The following RBCK1 variants were observed in gnomAD, a reference collection of about 807,000 sequenced individuals.
RBCK1 encodes RANBP2-type and C3HC4-type zinc finger containing 1.
Under a neutral mutation model 71.1 loss-of-function variants are expected in RBCK1, and 44 were observed. That is an observed-to-expected ratio of 0.62 (90% confidence interval 0.49 to 0.80). The LOEUF is 0.80. RBCK1 is among the 30% of genes least tolerant of loss of function. RBCK1 has a pLI of 0.00. For missense variants in RBCK1, 569 were observed against 685.0 expected, an observed-to-expected ratio of 0.83 and a Z score of 1.89; for synonymous variants, 306 against 279.7, an observed-to-expected ratio of 1.09 and a Z score of -0.94.
intron 8 of RBCK1, among the ~76,000 whole-genome samples, chr20:425,007 ATT>A (rs111583781): frequency 6.8e-6 from 1 of 146,224 alleles, no homozygotes. Flanking sequence ...CTCTGGGCAA[ATT>A]TTTTTTTTTT....
Position 430,235 on chromosome 20 carries a change from G to C in RBCK1, c.1453-115G>C, listed in dbSNP as rs1434604097. ...TCCATCAGGTAGCTGAGGCTGACCA[G>C]GCCATTCTTGCAGGAGGACCTGCAG... On this transcript the variant is annotated intron_variant, in intron 11 of 11. Coordinates refer to ENST00000356286, the MANE Select transcript of RBCK1 (RefSeq NM_031229.4). The surrounding 1 kb of genome is among the most constrained non-coding windows in gnomAD (Gnocchi z 5.6). 6.7e-6 allele frequency: 6 copies of C among 895,114 alleles called. No homozygotes were observed. Among genetic ancestry groups the C allele is most frequent in the Admixed American group, 2.0e-5 (1 of 48,854 alleles). 55.4% of individuals were successfully genotyped at this position (895,114 alleles called of 1,614,324 possible).
intron 8 of RBCK1, among the ~76,000 whole-genome samples, chr20:426,516 T>C (rs2016722519): frequency 2.0e-5 from 3 of 152,238 alleles, no homozygotes; most frequent in Admixed American, 2.0e-4. Flanking sequence ...TCCATGTTGC[T>C]GTAAATGGCA....
Position 414,955 on chromosome 20 carries a change from A to G in RBCK1, c.168-2571A>G, listed in dbSNP as rs564711971. ...AAAATTTCTATATTTTGCTCTGTCA[A>G]TTCATTGATAGTTGACTGGGTATTC... On this transcript the variant is annotated intron_variant, in intron 2 of 11. Transcript: ENST00000356286. 5.3e-5 allele frequency among the ~76,000 whole-genome samples: 8 copies of G among 152,294 alleles called. No individual in the cohort carries two copies. The South Asian group carries it at 1.2e-3, about 24-fold the overall frequency.
rs759428679 is a variant in RBCK1, at chr20:431,420, A to G, written c.*990A>G. Among the ~76,000 whole-genome samples, 2 of 151,746 alleles carry G rather than the reference A, an allele frequency of 1.3e-5. No individual in the cohort carries two copies. The highest frequency in any genetic ancestry group is 2.9e-5 in the Non-Finnish European group (2 of 67,932). On this transcript the variant is annotated 3_prime_UTR_variant, in exon 12 of 12. Transcript: ENST00000356286. The surrounding 1 kb of genome is among the most constrained non-coding windows in gnomAD (Gnocchi z 4.8). Reference sequence around the variant, plus strand: ...GATTCAGCAGTATTTACTAGAACCCACTCTGTGCTGGTCGGAGGTTACTAA... The same window carrying G: ...GATTCAGCAGTATTTACTAGAACCCGCTCTGTGCTGGTCGGAGGTTACTAA...
rs1008968180 is a variant in RBCK1 at position 417,968 on chromosome 20, G to C, written c.460+38G>C. The C allele has an allele frequency of 1.3e-6, 2 of 1,575,794 alleles. No homozygotes were observed. The highest frequency in any genetic ancestry group is 1.7e-6 in the Non-Finnish European group (2 of 1,165,338). On this transcript the variant is annotated intron_variant, in intron 4 of 11. Transcript: ENST00000356286. The surrounding 1 kb of genome is among the most constrained non-coding windows in gnomAD (Gnocchi z 4.7). ...CCTGAGCACCGCCGGACCCAGCGGG[G>C]GCCCTGGACTCACTTGAGGGCATAG...
chr20:430,622 T>C lies in RBCK1; in HGVS notation c.*192T>C. Reference sequence around the variant, plus strand: ...TTGGGGCTTGCCGGCCAGACTTCTCTCCCCTGCGGCTCCCACCTCTGCCTG... The same window carrying C: ...TTGGGGCTTGCCGGCCAGACTTCTCCCCCCTGCGGCTCCCACCTCTGCCTG... On this transcript the variant is annotated 3_prime_UTR_variant, in exon 12 of 12. Coordinates refer to ENST00000356286, the MANE Select transcript of RBCK1 (RefSeq NM_031229.4). This position sits in a 1 kb window ranked among gnomAD's most constrained non-coding sequence, Gnocchi z 5.6. 2 of 620,782 alleles carry C rather than the reference T, an allele frequency of 3.2e-6. No individual in the cohort carries two copies. Among genetic ancestry groups the C allele is most frequent in the African/African-American group, 1.8e-5 (1 of 54,558 alleles). 38.5% of individuals were successfully genotyped at this position (620,782 alleles called of 1,614,324 possible).
rs1160150735 is a variant in RBCK1 at position 431,696 on chromosome 20, C to CTG, written c.*1269_*1270dup. 6.6e-6 allele frequency among the ~76,000 whole-genome samples: 1 copy of CTG among 152,248 alleles called. No homozygotes were observed. The highest frequency in any genetic ancestry group is 2.4e-5 in the African/African-American group (1 of 41,466). ...AGGACTCAAGAGCTGGCCCCAGTCA[C>CTG]TGTGCGCAGAGCTGTCTGAGAATGT... On this transcript the variant is annotated 3_prime_UTR_variant, in exon 12 of 12. Transcript: ENST00000356286. The surrounding 1 kb of genome is among the most constrained non-coding windows in gnomAD (Gnocchi z 4.8).
intron 8 of RBCK1, among the ~76,000 whole-genome samples, chr20:425,967 G>T (rs2016691989): frequency 6.6e-6 from 1 of 152,196 alleles, no homozygotes; most frequent in African/African-American, 2.4e-5. Context: ...AGTTAAAGAA[G>T]TGGGATGGGT....
At chr20:426,391 C>T (rs1460408284) in intron 8 of RBCK1, among the ~76,000 whole-genome samples, 1 of 152,196 alleles carries the variant, frequency 6.6e-6, no homozygotes, top group African/African-American at 2.4e-5. Flanking sequence ...CTTTTACTGT[C>T]TGTCCTCATT....
intron 8 of RBCK1, among the ~76,000 whole-genome samples, chr20:426,816 CTTTTTTTTTTTTTTTTT>C (rs768525416): frequency 2.1e-5 from 2 of 95,508 alleles, no homozygotes; most frequent in African/African-American, 5.3e-5. Context: ...TTTTCTTTTC[CTTTTTTTTTTTTTTTTT>C]TTTTTTTTTT....
chr20:410,070 G>A (rs749237300), intron 2 of RBCK1, 45 bp downstream of exon 2: 1 of 1,585,794 alleles, frequency 6.3e-7, no homozygotes, highest in Non-Finnish European at 8.6e-7. Context: ...CAGCAGGACA[G>A]GATATTCTTG....
rs769673523 is a variant in RBCK1, at chr20:409,939, A to T, written c.81A>T (p.Ala27=). The T allele has an allele frequency of 6.2e-7, 1 of 1,614,054 alleles. No homozygotes were observed. The highest frequency in any genetic ancestry group is 2.2e-5 in the East Asian group (1 of 44,876). The change falls in exon 2 of 12, where the codon GCA becomes GCT. Residue 27 remains alanine (A), a synonymous_variant. Coordinates refer to ENST00000356286, the MANE Select transcript of RBCK1 (RefSeq NM_031229.4). ...RAVAGGDEQV[A]MKCAIWLAEQ... ...TGGCGGGCGGGGATGAACAGGTGGC[A>T]ATGAAGTGTGCCATCTGGCTGGCAG... is the stretch of plus-strand genomic sequence containing the variant.
At chr20:423,730 C>G (rs572353750) in intron 8 of RBCK1, among the ~76,000 whole-genome samples, 1 of 152,002 alleles carries the variant, frequency 6.6e-6, no homozygotes, top group Admixed American at 6.6e-5. Context: ...CTCTGGATAC[C>G]GAGGGATGAC....
chr20:429,574 A>G (rs754823170), intron 11 of RBCK1, among the ~76,000 whole-genome samples: 93 of 152,168 alleles, frequency 6.1e-4, no homozygotes, highest in Non-Finnish European at 5.1e-4. Context: ...GAAGATGACT[A>G]TTTTGTGACG....
chr20:427,332 A>G lies in RBCK1; in HGVS notation c.1049A>G (p.Tyr350Cys), dbSNP rs1253008275. The G allele has an allele frequency of 3.7e-6, 6 of 1,614,030 alleles. No individual in the cohort carries two copies. Among genetic ancestry groups the G allele is most frequent in the Non-Finnish European group, 5.1e-6 (6 of 1,180,026 alleles). Residue 350 changes from tyrosine to cysteine, a missense_variant, in exon 9 of 12, where the codon TAC (tyrosine) becomes TGC (cysteine). By Grantham distance (194) the Tyr-to-Cys change is radical (BLOSUM62 -2). This residue lies in a region of RBCK1 where 211 missense variants were observed against 309.4 expected (regional missense o/e 0.68). Coordinates refer to ENST00000356286, the MANE Select transcript of RBCK1 (RefSeq NM_031229.4). ...EIKALLTPED[Y>C]QRFLDLGISI... ...TGGCAGCTCCTGACCCCTGAGGATT[A>G]CCAGCGATTTCTAGACCTGGGCATC...
chr20:430,905 G>A lies in RBCK1; in HGVS notation c.*475G>A. On this transcript the variant is annotated 3_prime_UTR_variant, in exon 12 of 12. Transcript: ENST00000356286. This position sits in a 1 kb window ranked among gnomAD's most constrained non-coding sequence, Gnocchi z 5.6. ...TTGAAAGCACAGCCCGTCAGGTCCG[G>A]CTCTGCGTCTCCCTCTCTGCAGCCT... 1 of 163,140 alleles carries A rather than the reference G, an allele frequency of 6.1e-6. No homozygotes were observed. Among genetic ancestry groups the A allele is most frequent in the South Asian group, 1.7e-4 (1 of 5,970 alleles). The allele number at this position is 163,140 out of a possible 1,614,324, so 10.1% of individuals were successfully genotyped here.
In RBCK1 at chr20:420,578, G is replaced by C. The variant is rs1446653866; in HGVS notation, c.757-293G>C. The C allele has an allele frequency of 3.1e-6, 3 of 967,800 alleles. No homozygotes were observed. The African/African-American group carries it at 5.7e-5, about 19-fold the overall frequency. The allele number at this position is 967,800 out of a possible 1,614,324, so 60.0% of individuals were successfully genotyped here. On this transcript the variant is annotated intron_variant, in intron 6 of 11. Coordinates refer to ENST00000356286, the MANE Select transcript of RBCK1 (RefSeq NM_031229.4). Reference sequence around the variant, plus strand: ...GCTGTCTCACCTGGCGCCTTCCGTGGCTACCTGGCCGGCCTCCCCTCCCTT... The same window carrying C: ...GCTGTCTCACCTGGCGCCTTCCGTGCCTACCTGGCCGGCCTCCCCTCCCTT...
At chr20:424,597 TTC>T (rs1379564562) in intron 8 of RBCK1, among the ~76,000 whole-genome samples, 1 of 152,172 alleles carries the variant, frequency 6.6e-6, no homozygotes, top group African/African-American at 2.4e-5. Context: ...AGCCCCATTT[TTC>T]TCTGTTGTCT....
intron 2 of RBCK1, among the ~76,000 whole-genome samples, chr20:410,921 G>A (rs1372971937): frequency 6.6e-6 from 1 of 151,604 alleles, no homozygotes; most frequent in Admixed American, 6.6e-5. Flanking sequence ...CAGTTCAATG[G>A]CTTTTAGTAT....
Sources: gnomAD v4.1 joint callset for allele counts (sites outside exome capture counted in the v4.1 genomes callset) on GRCh38, gnomAD v4.1.1 for gene constraint, gnomAD v4.1.1 regional missense constraint, Gnocchi (gnomAD v3.1) non-coding constraint, MANE v1.5 for transcripts, NCBI Gene and HGNC (gene_info 2026-07-23, HGNC 2026-07-21) for gene names.